The following ENOX1 variants were observed in gnomAD, a reference collection of about 807,000 sequenced individuals.
The protein encoded by ENOX1 is candidate growth-related and time keeping constitutive hydroquinone (NADH) oxidase.
ENOX1 carries 42 observed loss-of-function variants against 82.5 expected under a neutral mutation model. The observed-to-expected ratio is 0.51, with a 90% CI of 0.40 to 0.66. The LOEUF (loss-of-function observed/expected upper bound fraction) is 0.66. Ranked by LOEUF, ENOX1 falls within the 30% of genes least tolerant of loss-of-function variation. ENOX1 has a pLI of 0.00. For missense variants in ENOX1, 608 were observed against 811.6 expected, an observed-to-expected ratio of 0.75 and a Z score of 3.05; for synonymous variants, 271 against 282.2, an observed-to-expected ratio of 0.96 and a Z score of 0.40.
chr13:43,424,636 A>T (rs1278009625), intron 3 of ENOX1, among the ~76,000 whole-genome samples: 1 of 152,200 alleles, frequency 6.6e-6, no homozygotes, highest in African/African-American at 2.4e-5. Flanking sequence ...TCGCCCTGGG[A>T]CAGGGAGCGT....
rs139277770 is a variant in ENOX1, at chr13:43,504,134, C to T, written c.-218-19982G>A. Among the ~76,000 whole-genome samples, 78 of 151,776 alleles carry T rather than the reference C, an allele frequency of 5.1e-4. 1 individual carries two copies. The highest frequency in any genetic ancestry group is 9.3e-4 in the Non-Finnish European group (63 of 67,714). ...AATTCAAATCAAAACTGAGATACCACCTCACACCTGTTAGGCTATTATAAA... is the reference window on the plus strand; with the variant it reads ...AATTCAAATCAAAACTGAGATACCATCTCACACCTGTTAGGCTATTATAAA... On this transcript the variant is annotated intron_variant, in intron 2 of 16. Transcript: ENST00000690772.
intron 1 of ENOX1, among the ~76,000 whole-genome samples, chr13:43,696,481 A>T (rs927932874): frequency 6.6e-6 from 1 of 152,172 alleles, no homozygotes; most frequent in Non-Finnish European, 1.5e-5. Context: ...TAATTGGGAT[A>T]CTTCAAAAGA....
rs549123325 is a variant in ENOX1 at position 43,445,653 on chromosome 13, A to G, written c.-74-32665T>C. Among the ~76,000 whole-genome samples the G allele has an allele frequency of 2.0e-5, 3 of 152,212 alleles. No homozygotes were observed. The South Asian group carries it at 6.2e-4, about 32-fold the overall frequency. ...ACTTTTTCAAAGAGGGCATTTTTTAAAAGACTGTGTTTTACAACTTTTATG... is the reference window on the plus strand; with the variant it reads ...ACTTTTTCAAAGAGGGCATTTTTTAGAAGACTGTGTTTTACAACTTTTATG... On this transcript the variant is annotated intron_variant, in intron 3 of 16. Coordinates refer to ENST00000690772, the MANE Select transcript of ENOX1 (RefSeq NM_001347969.2).
intron 14 of ENOX1, among the ~76,000 whole-genome samples, chr13:43,249,280 C>A (rs1425750774): frequency 1.3e-5 from 2 of 152,234 alleles, no homozygotes; most frequent in African/African-American, 4.8e-5. Context: ...AAAAAATACA[C>A]TTGATCTCAA....
Position 43,356,004 on chromosome 13 carries a change from C to T in ENOX1, c.738G>A (p.Glu246=), listed in dbSNP as rs2281712. The T allele has an allele frequency of 3.5e-3, 5,666 of 1,614,068 alleles. 121 individuals are homozygous for T. In the East Asian group the frequency reaches 0.054, roughly 15 times the overall value. Residue 246 remains glutamate, a synonymous_variant, in exon 8 of 17, where the codon GAG becomes GAA. Coordinates refer to ENST00000690772, the MANE Select transcript of ENOX1 (RefSeq NM_001347969.2). ...AREERHRRKL[E]EDRLRPPSPP... ...GGGATGGGGGCCTGAGCCGGTCCTC[C>T]TCCAGCTTGCGCCGGTGCCGCTCCT...
intron 5 of ENOX1, among the ~76,000 whole-genome samples, chr13:43,382,723 A>G (rs751250195): frequency 2.6e-5 from 4 of 152,212 alleles, no homozygotes; most frequent in Admixed American, 6.5e-5. Flanking sequence ...ATGATTTCAC[A>G]AGTATATACA....
intron 3 of ENOX1, among the ~76,000 whole-genome samples, chr13:43,437,293 G>A (rs73471853): frequency 0.016 from 2,407 of 152,244 alleles, 70 homozygotes; most frequent in African/African-American, 0.055. Flanking sequence ...TCAGCCTGAC[G>A]TGGTGATGGG....
chr13:43,729,108 T>C (rs1316865776), intron 1 of ENOX1, among the ~76,000 whole-genome samples: 3 of 152,200 alleles, frequency 2.0e-5, no homozygotes, highest in Non-Finnish European at 4.4e-5. Flanking sequence ...CTGCTTTGCC[T>C]GAGGTCATTC....
At chr13:43,490,270 C>T (rs2076575615) in intron 2 of ENOX1, among the ~76,000 whole-genome samples, 1 of 152,156 alleles carries the variant, frequency 6.6e-6, no homozygotes, top group South Asian at 2.1e-4. Flanking sequence ...TTTAGAAGCG[C>T]ATAACTTGTT....
intron 2 of ENOX1, among the ~76,000 whole-genome samples, chr13:43,498,458 G>A (rs191650205): frequency 3.3e-5 from 5 of 152,016 alleles, no homozygotes; most frequent in Admixed American, 6.5e-5. Flanking sequence ...ACCTTAAAGC[G>A]CTTCCAATGG....
chr13:43,352,262 C>T (rs529785739), intron 8 of ENOX1, among the ~76,000 whole-genome samples: 289 of 152,330 alleles, frequency 1.9e-3, no homozygotes, highest in African/African-American at 6.7e-3. Context: ...TTTGTCAGGA[C>T]GTCACCTAAT....
Position 43,213,255 on chromosome 13 carries a change from A to G in ENOX1, c.*735T>C, listed in dbSNP as rs373009773. 7.3e-5 allele frequency among the ~76,000 whole-genome samples: 11 copies of G among 151,116 alleles called. No homozygotes were observed. In the East Asian group the frequency reaches 1.6e-3, roughly 21 times the overall value. ...TGTTACATACCAAGTACAAGACAAT[A>G]ACACTAGTTTTTCCTTTATTTACAC... On this transcript the variant is annotated 3_prime_UTR_variant, in exon 17 of 17. Coordinates refer to ENST00000690772, the MANE Select transcript of ENOX1 (RefSeq NM_001347969.2).
chr13:43,518,454 T>C lies in ENOX1; in HGVS notation c.-218-34302A>G, dbSNP rs2077639785. Among the ~76,000 whole-genome samples, 4 of 152,060 alleles carry C rather than the reference T, an allele frequency of 2.6e-5. No individual in the cohort carries two copies. In the South Asian group the frequency reaches 8.3e-4, roughly 32 times the overall value. ...TTCTTTTCAGTGCCCCCCAGCAGTT[T>C]GCATCAAGAGCTCAGGGGAGGCAGA... On this transcript the variant is annotated intron_variant, in intron 2 of 16. Transcript: ENST00000690772.
At chr13:43,774,316 A>G (rs1261780812) in intron 1 of ENOX1, among the ~76,000 whole-genome samples, 1 of 152,228 alleles carries the variant, frequency 6.6e-6, no homozygotes, top group Non-Finnish European at 1.5e-5. Flanking sequence ...TTTCTTGAAA[A>G]AGGGTGTATA....
chr13:43,405,530 C>T (rs948349318), intron 5 of ENOX1, among the ~76,000 whole-genome samples: 1 of 152,202 alleles, frequency 6.6e-6, no homozygotes, highest in South Asian at 2.1e-4. Flanking sequence ...CCATCCTTCT[C>T]TTTCAGCCTT....
chr13:43,444,889 T>C (rs1395133021), intron 3 of ENOX1, among the ~76,000 whole-genome samples: 1 of 152,198 alleles, frequency 6.6e-6, no homozygotes. Flanking sequence ...TCCCTGGGCA[T>C]GTGGCCACGA....
intron 2 of ENOX1, among the ~76,000 whole-genome samples, chr13:43,513,063 C>T (rs139779836): frequency 1.4e-3 from 218 of 152,188 alleles, no homozygotes; most frequent in African/African-American, 5.0e-3. Context: ...AATCTCAGCA[C>T]TTTGGGAGGC....
chr13:43,751,930 A>G (rs1043016317), intron 1 of ENOX1, among the ~76,000 whole-genome samples: 2 of 152,200 alleles, frequency 1.3e-5, no homozygotes, highest in Admixed American at 6.5e-5. Context: ...TGGTAGGTAT[A>G]TGTTTGATTT....
intron 3 of ENOX1, among the ~76,000 whole-genome samples, chr13:43,418,199 T>A (rs2054748482): frequency 6.6e-6 from 1 of 151,534 alleles, no homozygotes; most frequent in Non-Finnish European, 1.5e-5. Flanking sequence ...AGAGTGAGAC[T>A]CCATCTCTAA....
Sources: gnomAD v4.1 joint callset for allele counts (sites outside exome capture counted in the v4.1 genomes callset) on GRCh38, gnomAD v4.1.1 for gene constraint, MANE v1.5 for transcripts, NCBI Gene and HGNC (gene_info 2026-07-23, HGNC 2026-07-21) for gene names.